The following VPS13B variants were observed in gnomAD, a reference collection of about 807,000 sequenced individuals.
The protein encoded by VPS13B is intermembrane lipid transfer protein VPS13B.
VPS13B carries 285 observed loss-of-function variants against 426.4 expected under a neutral mutation model. The observed-to-expected ratio is 0.67, with a 90% confidence interval of 0.61 to 0.74. The LOEUF (loss-of-function observed/expected upper bound fraction) is 0.74, where lower values mean the gene tolerates loss of function less well. VPS13B is among the 30% of genes least tolerant of loss of function. The pLI is 0.00. For synonymous variants in VPS13B, 1,676 were observed against 1,676.4 expected (o/e 1.00, Z 0.01); for missense variants, 4,537 against 4,782.6 (o/e 0.95, Z 1.51).
chr8:99,150,747 A>G (rs1811030295), intron 14 of VPS13B, among the ~76,000 whole-genome samples: 1 of 152,184 alleles, frequency 6.6e-6, no homozygotes, highest in African/African-American at 2.4e-5. Flanking sequence ...CTAATATTCC[A>G]TTACAGATGT....
At chr8:99,186,323 A>G (rs1285390428) in intron 16 of VPS13B, among the ~76,000 whole-genome samples, 1 of 152,100 alleles carries the variant, frequency 6.6e-6, no homozygotes, top group African/African-American at 2.4e-5. Context: ...CTAAATCACA[A>G]GGAAAAATAC....
intron 17 of VPS13B, among the ~76,000 whole-genome samples, chr8:99,216,606 T>C (rs1298512473): frequency 6.6e-6 from 1 of 151,512 alleles, no homozygotes; most frequent in Non-Finnish European, 1.5e-5. Flanking sequence ...TTGAGAATTA[T>C]ATATTTAATA....
chr8:99,866,265 C>T (rs1391387884), intron 58 of VPS13B, among the ~76,000 whole-genome samples: 1 of 152,226 alleles, frequency 6.6e-6, no homozygotes, highest in Non-Finnish European at 1.5e-5. Context: ...GAGAGCCATT[C>T]CAGGCTCTCA....
intron 33 of VPS13B, among the ~76,000 whole-genome samples, chr8:99,628,725 AGT>A (rs1465264507): frequency 6.6e-6 from 1 of 152,002 alleles, no homozygotes; most frequent in African/African-American, 2.4e-5. Context: ...TGAACTCCAG[AGT>A]TATATTGCCA....
At chr8:99,420,380 T>C (rs984506309) in intron 21 of VPS13B, among the ~76,000 whole-genome samples, 4 of 152,142 alleles carry the variant, frequency 2.6e-5, no homozygotes, top group Non-Finnish European at 5.9e-5. Context: ...AGAACAGAGA[T>C]TTTGATGTAC....
chr8:99,379,566 A>G (rs559982347), intron 19 of VPS13B, among the ~76,000 whole-genome samples: 3 of 152,008 alleles, frequency 2.0e-5, no homozygotes, highest in African/African-American at 7.2e-5. Flanking sequence ...ACTTTCTCCA[A>G]CCTTCATCAC....
intron 44 of VPS13B, among the ~76,000 whole-genome samples, chr8:99,815,150 G>A (rs924691029): frequency 4.7e-5 from 7 of 148,134 alleles, no homozygotes; most frequent in East Asian, 4.1e-4. Flanking sequence ...GGAAAAGAAT[G>A]ATTTATTATA....
At chr8:99,596,855 T>C (rs1827043082) in intron 33 of VPS13B, among the ~76,000 whole-genome samples, 1 of 152,050 alleles carries the variant, frequency 6.6e-6, no homozygotes, top group Non-Finnish European at 1.5e-5. Context: ...AAAATTATTC[T>C]ACTATGAAAG....
chr8:99,460,179 C>G (rs1332074390), intron 23 of VPS13B, among the ~76,000 whole-genome samples: 3 of 151,918 alleles, frequency 2.0e-5, no homozygotes, highest in South Asian at 4.2e-4. Flanking sequence ...ACTCTGTTCC[C>G]CTTTTACTAC....
intron 19 of VPS13B, among the ~76,000 whole-genome samples, chr8:99,287,096 C>G (rs1428627643): frequency 6.6e-6 from 1 of 151,992 alleles, no homozygotes; most frequent in Non-Finnish European, 1.5e-5. Flanking sequence ...ATATTCTAAC[C>G]TGGTTTTAGT....
intron 51 of VPS13B, among the ~76,000 whole-genome samples, chr8:99,828,387 A>C (rs1814819960): frequency 8.1e-6 from 1 of 123,552 alleles, no homozygotes; most frequent in Non-Finnish European, 1.7e-5. Flanking sequence ...CTAGGATTAC[A>C]ACCACCGTTT....
chr8:99,032,150 A>G lies in VPS13B; in HGVS notation c.148-6273A>G, dbSNP rs559150017. Reference sequence around the variant, plus strand: ...TTCTGGCTCCAGGCTGATCTTGGCCAGGTGCTCTCCTTTCCCCTTTATGCT... The same window carrying G: ...TTCTGGCTCCAGGCTGATCTTGGCCGGGTGCTCTCCTTTCCCCTTTATGCT... On this transcript the variant is annotated intron_variant, in intron 2 of 61. Coordinates refer to ENST00000357162, the MANE Select transcript of VPS13B (RefSeq NM_152564.5). Among the ~76,000 whole-genome samples the G allele has an allele frequency of 1.3e-4, 20 of 152,294 alleles. No individual in the cohort carries two copies. The South Asian group carries it at 4.2e-3, about 32-fold the overall frequency.
chr8:99,023,909 G>A (rs1320032969), intron 2 of VPS13B, among the ~76,000 whole-genome samples: 1 of 152,166 alleles, frequency 6.6e-6, no homozygotes, highest in Non-Finnish European at 1.5e-5. Flanking sequence ...AATTTTATTT[G>A]TATGTACACC....
At chr8:99,374,622 G>T (rs1248359100) in intron 19 of VPS13B, among the ~76,000 whole-genome samples, 1 of 152,082 alleles carries the variant, frequency 6.6e-6, no homozygotes, top group African/African-American at 2.4e-5. Context: ...TAAAGAGAAT[G>T]GAGCCTATGA....
At chr8:99,743,832 G>T (rs1244629338) in intron 39 of VPS13B, among the ~76,000 whole-genome samples, 2 of 152,064 alleles carry the variant, frequency 1.3e-5, no homozygotes, top group Non-Finnish European at 2.9e-5. Context: ...AATTCAAGAT[G>T]GATTAAAGAC....
Position 99,336,090 on chromosome 8 carries a change from A to G in VPS13B, c.2825-48118A>G, listed in dbSNP as rs183515499. Among the ~76,000 whole-genome samples the G allele has an allele frequency of 1.9e-3, 284 of 152,350 alleles. 2 individuals are homozygous for G. Among genetic ancestry groups the G allele is most frequent in the African/African-American group, 6.4e-3 (265 of 41,576 alleles). Reference sequence around the variant, plus strand: ...TAAGCCAAAGAACAAAGCAGGAGGCATCATGCTACCTGACTTCAAACTATA... The same window carrying G: ...TAAGCCAAAGAACAAAGCAGGAGGCGTCATGCTACCTGACTTCAAACTATA... On this transcript the variant is annotated intron_variant, in intron 19 of 61. Coordinates refer to ENST00000357162, the MANE Select transcript of VPS13B (RefSeq NM_152564.5).
intron 36 of VPS13B, among the ~76,000 whole-genome samples, chr8:99,701,851 C>T (rs1180912945): frequency 6.6e-6 from 1 of 151,948 alleles, no homozygotes; most frequent in East Asian, 1.9e-4. Flanking sequence ...AGGATGATAA[C>T]AAGGTTAGCA....
Position 99,275,241 on chromosome 8 carries a change from C to T in VPS13B, c.2811C>T (p.Tyr937=), listed in dbSNP as rs1330143562. 6.2e-7 allele frequency: 1 copy of T among 1,609,168 alleles called. No homozygotes were observed. The highest frequency in any genetic ancestry group is 2.2e-5 in the East Asian group (1 of 44,610). ...FTIQVPQYID[Y]CHNSGAVLLC... is the part of the protein sequence containing the mutation. ...TCCAAGTTCCACAATATATTGACTA[C>T]TGCCACAATTCCGGTAAGTACAAAC... The change falls in exon 19 of 62, where the codon TAC becomes TAT. Residue 937 remains tyrosine (Y), a synonymous_variant. Transcript: ENST00000357162.
At chr8:99,556,742 C>G in intron 31 of VPS13B, 89 bp downstream of exon 31, 1 of 1,403,638 alleles carries the variant, frequency 7.1e-7, no homozygotes, top group Non-Finnish European at 9.9e-7. Context: ...TCCAACCAAC[C>G]TAAGTATTTT....
Sources: gnomAD v4.1 joint callset for allele counts (sites outside exome capture counted in the v4.1 genomes callset) on GRCh38, gnomAD v4.1.1 for gene constraint, MANE v1.5 for transcripts, NCBI Gene and HGNC (gene_info 2026-07-23, HGNC 2026-07-21) for gene names.